KCNH7: variants seen among roughly 807,000 people sequenced by gnomAD.
KCNH7 encodes the protein potassium voltage-gated channel subfamily H member 7, also known as voltage-gated inwardly rectifying potassium channel KCNH7.
Under a neutral mutation model 120.8 loss-of-function variants are expected in KCNH7, and 49 were observed. The ratio of observed to expected loss-of-function variants is 0.41; its 90% confidence interval spans 0.32 to 0.51. The LOEUF (loss-of-function observed/expected upper bound fraction) is 0.51, where lower values mean the gene tolerates loss of function less well. KCNH7 is among the 20% of genes least tolerant of loss of function. The pLI is 0.38. For synonymous variants in KCNH7, 547 were observed against 516.1 expected (o/e 1.06, Z -0.81); for missense variants, 1,097 against 1,446.6 (o/e 0.76, Z 3.92).
At chr2:162,811,398 T>G (rs1379692165) in intron 2 of KCNH7, among the ~76,000 whole-genome samples, 3 of 152,204 alleles carry the variant, frequency 2.0e-5, no homozygotes, top group African/African-American at 7.2e-5. Context: ...AAACACTCAT[T>G]AGGTATCGTG....
intron 2 of KCNH7, among the ~76,000 whole-genome samples, chr2:162,650,917 C>G (rs1473183332): frequency 6.6e-6 from 1 of 152,162 alleles, no homozygotes; most frequent in Non-Finnish European, 1.5e-5. Context: ...TAACTAAAGC[C>G]ACACTCTACC....
At chr2:162,527,598 G>A (rs1409600227) in intron 3 of KCNH7, among the ~76,000 whole-genome samples, 1 of 151,888 alleles carries the variant, frequency 6.6e-6, no homozygotes, top group East Asian at 1.9e-4. Flanking sequence ...AAATTTTAAT[G>A]GTTTAAATTA....
chr2:162,791,045 T>C (rs537807249), intron 2 of KCNH7, among the ~76,000 whole-genome samples: 1 of 152,268 alleles, frequency 6.6e-6, no homozygotes, highest in African/African-American at 2.4e-5. Context: ...TACTCGCAGA[T>C]GGCATTATCT....
At chr2:162,830,926 C>T (rs556826029) in intron 2 of KCNH7, among the ~76,000 whole-genome samples, 2 of 152,264 alleles carry the variant, frequency 1.3e-5, no homozygotes, top group East Asian at 3.9e-4. Context: ...AAGTTACCCG[C>T]TCTAAGGTAT....
chr2:162,536,951 G>A lies in KCNH7; in HGVS notation c.437C>T (p.Pro146Leu). 6.2e-7 allele frequency: 1 copy of A among 1,612,496 alleles called. No homozygotes were observed. The highest frequency in any genetic ancestry group is 8.5e-7 in the Non-Finnish European group (1 of 1,178,998). ...ENAATPERVN[P>L]ILPIKTVNRK... Reference sequence around the variant, plus strand: ...GTTTACAGTTTTGATTGGTAATATTGGGTTTACCCTCTCTGGGGTGGCAGC... The same window carrying A: ...GTTTACAGTTTTGATTGGTAATATTAGGTTTACCCTCTCTGGGGTGGCAGC... Residue 146 changes from proline (P) to leucine (L), a missense_variant, in exon 3 of 16, where the codon CCA becomes CTA. Physicochemically the swap from Pro to Leu is moderately conservative, Grantham distance 98. Around this residue, in one of 8 missense-constraint regions of KCNH7, gnomAD observed 362 missense variants for 372.2 expected, o/e 0.97. Coordinates refer to ENST00000332142, the MANE Select transcript of KCNH7 (RefSeq NM_033272.4).
intron 2 of KCNH7, among the ~76,000 whole-genome samples, chr2:162,539,889 A>C (rs1692245088): frequency 6.6e-6 from 1 of 152,122 alleles, no homozygotes; most frequent in Admixed American, 6.6e-5. Flanking sequence ...GAAGAGAAGA[A>C]TAGAATATAT....
At chr2:162,409,863 A>G (rs1386329214) in intron 9 of KCNH7, among the ~76,000 whole-genome samples, 1 of 152,012 alleles carries the variant, frequency 6.6e-6, no homozygotes. Flanking sequence ...ATCTAGAAAT[A>G]CAGCTTTCAA....
At chr2:162,495,844 GT>G (rs1266235277) in intron 6 of KCNH7, among the ~76,000 whole-genome samples, 1 of 152,072 alleles carries the variant, frequency 6.6e-6, no homozygotes, top group Non-Finnish European at 1.5e-5. Flanking sequence ...AATCCTGGAG[GT>G]TTTTTTGTTT....
chr2:162,649,325 G>A lies in KCNH7; in HGVS notation c.308-112245C>T, dbSNP rs950690208. Among the ~76,000 whole-genome samples, 6 of 152,148 alleles carry A rather than the reference G, an allele frequency of 3.9e-5. No homozygotes were observed. The South Asian group carries it at 1.2e-3, about 31-fold the overall frequency. On this transcript the variant is annotated intron_variant, in intron 2 of 15. Transcript: ENST00000332142. ...CACAAGACTTTTTGTTTTGAGAGAAGCTTAACTCTACACAAATGGTAAATT... is the reference window on the plus strand; with the variant it reads ...CACAAGACTTTTTGTTTTGAGAGAAACTTAACTCTACACAAATGGTAAATT...
rs896309209 is a variant in KCNH7, at chr2:162,452,190, A to G, written c.1129-5747T>C. Reference sequence around the variant, plus strand: ...GAAGGAGAGAGAAGGTCTGAATTTTAGCTGTATATTGATTTTTATTGAAAC... The same window carrying G: ...GAAGGAGAGAGAAGGTCTGAATTTTGGCTGTATATTGATTTTTATTGAAAC... On this transcript the variant is annotated intron_variant, in intron 6 of 15. Transcript: ENST00000332142. Among the ~76,000 whole-genome samples the G allele has an allele frequency of 5.9e-5, 9 of 152,140 alleles. No individual in the cohort carries two copies. In the East Asian group the frequency reaches 1.5e-3, roughly 26 times the overall value.
chr2:162,745,150 A>G (rs1350335030), intron 2 of KCNH7, among the ~76,000 whole-genome samples: 5 of 152,226 alleles, frequency 3.3e-5, no homozygotes, highest in Non-Finnish European at 7.3e-5. Flanking sequence ...CTTTTTGTGA[A>G]CTTGACTAGT....
chr2:162,717,702 C>T (rs758409732), intron 2 of KCNH7, among the ~76,000 whole-genome samples: 6 of 151,980 alleles, frequency 3.9e-5, no homozygotes, highest in Non-Finnish European at 4.4e-5. Context: ...TTAGTCACCA[C>T]GTATTTATTT....
chr2:162,724,174 G>C (rs555922274), intron 2 of KCNH7, among the ~76,000 whole-genome samples: 1 of 151,934 alleles, frequency 6.6e-6, no homozygotes, highest in African/African-American at 2.4e-5. Context: ...TTGTGTGTGC[G>C]CACCTCATAG....
chr2:162,596,698 A>G (rs1694392089), intron 2 of KCNH7, among the ~76,000 whole-genome samples: 1 of 152,094 alleles, frequency 6.6e-6, no homozygotes, highest in African/African-American at 2.4e-5. Flanking sequence ...GCAAAAATAG[A>G]CAAATGAGAT....
intron 3 of KCNH7, among the ~76,000 whole-genome samples, chr2:162,519,520 CTTCT>C (rs1691443167): frequency 6.6e-6 from 1 of 151,596 alleles, no homozygotes; most frequent in African/African-American, 2.4e-5. Flanking sequence ...TGTATGCATT[CTTCT>C]TTATGTATCT....
rs758660468 is a variant in KCNH7, at chr2:162,428,219, A to G, written c.1955-4684T>C. Among the ~76,000 whole-genome samples the G allele has an allele frequency of 5.0e-4, 76 of 150,976 alleles. 1 individual carries two copies. Among genetic ancestry groups the G allele is most frequent in the East Asian group, 3.9e-4 (2 of 5,194 alleles). Reference sequence around the variant, plus strand: ...TATTTTCATTTTTATTAAGTTAAAAATAGTTTGTAATTTTCCATGTGATTT... The same window carrying G: ...TATTTTCATTTTTATTAAGTTAAAAGTAGTTTGTAATTTTCCATGTGATTT... On this transcript the variant is annotated intron_variant, in intron 8 of 15. Coordinates refer to ENST00000332142, the MANE Select transcript of KCNH7 (RefSeq NM_033272.4).
At chr2:162,616,255 T>C (rs777498251) in intron 2 of KCNH7, among the ~76,000 whole-genome samples, 1 of 152,206 alleles carries the variant, frequency 6.6e-6, no homozygotes, top group Non-Finnish European at 1.5e-5. Flanking sequence ...GACCCTTACA[T>C]TGTAATGTTT....
intron 2 of KCNH7, among the ~76,000 whole-genome samples, chr2:162,679,678 G>T (rs1435010): frequency 0.13 from 19,842 of 151,474 alleles, 1,497 homozygotes; most frequent in East Asian, 0.34. Flanking sequence ...TCATTAACCT[G>T]AGAGTCATAT....
chr2:162,373,761 G>C (rs775208780), intron 14 of KCNH7, 99 bp from the exon 15 acceptor site: 5 of 728,214 alleles, frequency 6.9e-6, no homozygotes, highest in Non-Finnish European at 8.1e-6. Flanking sequence ...CAGAATTATG[G>C]CCTTGCTTTA....
Sources: gnomAD v4.1 joint callset for allele counts (sites outside exome capture counted in the v4.1 genomes callset) on GRCh38, gnomAD v4.1.1 for gene constraint, gnomAD v4.1.1 regional missense constraint, MANE v1.5 for transcripts, NCBI Gene and HGNC (gene_info 2026-07-23, HGNC 2026-07-21) for gene names.